The following PCCA variants were observed in gnomAD, a reference collection of about 807,000 sequenced individuals.
PCCA encodes propionyl-CoA carboxylase alpha chain, mitochondrial.
In PCCA, 74 loss-of-function variants were observed where a neutral mutation model predicts 101.3. That is an observed-to-expected ratio of 0.73 (90% CI 0.61 to 0.89). The LOEUF is 0.89. PCCA is among the 40% of genes least tolerant of loss of function. PCCA has a pLI of 0.00. For missense variants in PCCA, 891 were observed against 907.0 expected, an observed-to-expected ratio of 0.98 and a Z score of 0.23; for synonymous variants, 294 against 313.6, an observed-to-expected ratio of 0.94 and a Z score of 0.66.
At chr13:100,492,483 G>C (rs1360853715) in intron 21 of PCCA, among the ~76,000 whole-genome samples, 17 of 151,916 alleles carry the variant, frequency 1.1e-4, no homozygotes, top group African/African-American at 4.1e-4. Flanking sequence ...GCAGAAGGGT[G>C]TTTGCAGCCT....
intron 21 of PCCA, among the ~76,000 whole-genome samples, chr13:100,513,415 G>C (rs540251953): frequency 2.0e-5 from 3 of 152,276 alleles, no homozygotes; most frequent in African/African-American, 7.2e-5. Flanking sequence ...AACAAAGACT[G>C]CATCTAAAGG....
At chr13:100,446,387 C>G (rs2080835329) in intron 20 of PCCA, among the ~76,000 whole-genome samples, 1 of 152,206 alleles carries the variant, frequency 6.6e-6, no homozygotes, top group Admixed American at 6.5e-5. Flanking sequence ...TAATGTCTTC[C>G]TTATTAACCT....
chr13:100,123,155 C>CA (rs2049583687), intron 4 of PCCA, among the ~76,000 whole-genome samples: 1 of 152,334 alleles, frequency 6.6e-6, no homozygotes, highest in Admixed American at 6.5e-5. Flanking sequence ...CTCACAGGTT[C>CA]AAGCATTCTC....
intron 16 of PCCA, among the ~76,000 whole-genome samples, chr13:100,320,683 T>C (rs1477169529): frequency 1.3e-5 from 2 of 152,186 alleles, no homozygotes; most frequent in Non-Finnish European, 2.9e-5. Context: ...GCCCACTTGA[T>C]CATGGTGGAT....
chr13:100,530,223 T>C lies in PCCA; in HGVS notation c.*57T>C. ...TTAATTAGCCATTTGCATGATGCTT[T>C]CACACACAATTGATTCAAGCATTAT... On this transcript the variant is annotated 3_prime_UTR_variant, in exon 24 of 24. Coordinates refer to ENST00000376285, the MANE Select transcript of PCCA (RefSeq NM_000282.4). 7.7e-7 allele frequency: 1 copy of C among 1,299,854 alleles called. No homozygotes were observed. Among genetic ancestry groups the C allele is most frequent in the Non-Finnish European group, 1.1e-6 (1 of 901,630 alleles). 80.5% of individuals were successfully genotyped at this position (1,299,854 alleles called of 1,614,324 possible).
chr13:100,513,909 A>T (rs2086652285), intron 21 of PCCA, among the ~76,000 whole-genome samples: 1 of 152,214 alleles, frequency 6.6e-6, no homozygotes, highest in Non-Finnish European at 1.5e-5. Flanking sequence ...CAGCACAGAT[A>T]GGAAAACTGT....
At position 100,514,172 on chromosome 13, in the gene PCCA, C is replaced by T. The variant is rs1482851545; in HGVS notation, c.1900-1255C>T. On this transcript the variant is annotated intron_variant, in intron 21 of 23. Transcript: ENST00000376285. ...CATATCCTTCAGAAACTGGCAGACG[C>T]TTCTATGTCTTGATTGCAAAACACA... Among the ~76,000 whole-genome samples the T allele has an allele frequency of 3.3e-5, 5 of 152,156 alleles. No individual in the cohort carries two copies. The East Asian group carries it at 9.6e-4, about 29-fold the overall frequency.
intron 21 of PCCA, among the ~76,000 whole-genome samples, chr13:100,510,442 C>A (rs1483986519): frequency 1.3e-5 from 2 of 152,170 alleles, no homozygotes; most frequent in African/African-American, 4.8e-5. Context: ...AAGTGTTTGT[C>A]CTAATTCATA....
intron 21 of PCCA, among the ~76,000 whole-genome samples, chr13:100,513,822 C>T (rs1268100707): frequency 1.3e-5 from 2 of 152,182 alleles, no homozygotes; most frequent in African/African-American, 2.4e-5. Flanking sequence ...CAGCTCAGGG[C>T]GATACCAACT....
intron 21 of PCCA, among the ~76,000 whole-genome samples, chr13:100,509,486 C>T (rs1440681721): frequency 6.6e-6 from 1 of 152,196 alleles, no homozygotes; most frequent in Non-Finnish European, 1.5e-5. Context: ...GCTTTTGAGA[C>T]ACTCGTTTTT....
At chr13:100,523,169 G>C (rs967726011) in intron 22 of PCCA, among the ~76,000 whole-genome samples, 2 of 152,198 alleles carry the variant, frequency 1.3e-5, no homozygotes, top group African/African-American at 4.8e-5. Flanking sequence ...AAGGTTCTCT[G>C]TCTTTTAATC....
At chr13:100,345,781 T>C (rs1339854692) in intron 18 of PCCA, among the ~76,000 whole-genome samples, 1 of 152,154 alleles carries the variant, frequency 6.6e-6, no homozygotes, top group Non-Finnish European at 1.5e-5. Context: ...ACTCTCTTGG[T>C]AGGGGCTAAT....
At chr13:100,232,673 G>T (rs889543072) in intron 7 of PCCA, among the ~76,000 whole-genome samples, 1 of 152,124 alleles carries the variant, frequency 6.6e-6, no homozygotes, top group Admixed American at 6.6e-5. Context: ...GAGCCACTGT[G>T]CTTGGCCTGG....
intron 21 of PCCA, among the ~76,000 whole-genome samples, chr13:100,450,244 T>C (rs574264387): frequency 0.14 from 20,773 of 151,442 alleles, 2,643 homozygotes; most frequent in African/African-American, 0.34. Context: ...TTAGCCGGGT[T>C]GTGGTGGTGG....
intron 7 of PCCA, among the ~76,000 whole-genome samples, chr13:100,224,278 C>A (rs1186659968): frequency 6.6e-6 from 1 of 152,258 alleles, no homozygotes; most frequent in East Asian, 1.9e-4. Flanking sequence ...ACACCCTCTG[C>A]AGCTGCTGGC....
chr13:100,276,315 C>A (rs893858952), intron 12 of PCCA, among the ~76,000 whole-genome samples: 1 of 148,968 alleles, frequency 6.7e-6, no homozygotes, highest in Non-Finnish European at 1.5e-5. Flanking sequence ...TCTGGTGAGA[C>A]TTCCCCACTC....
At chr13:100,520,164 T>G (rs1217717258) in intron 22 of PCCA, among the ~76,000 whole-genome samples, 7 of 152,250 alleles carry the variant, frequency 4.6e-5, no homozygotes, top group Admixed American at 4.6e-4. Flanking sequence ...CAAGCACTCC[T>G]GTGCCCTTTG....
intron 6 of PCCA, among the ~76,000 whole-genome samples, chr13:100,163,042 C>T (rs779244501): frequency 2.6e-5 from 4 of 152,030 alleles, no homozygotes; most frequent in African/African-American, 7.2e-5. Flanking sequence ...ATTTTGAATG[C>T]GATGTGGAAT....
chr13:100,161,727 C>T (rs954591843), intron 6 of PCCA: 1 of 151,870 alleles, frequency 6.6e-6, no homozygotes, highest in Non-Finnish European at 1.5e-5. Flanking sequence ...TTGTTTATAA[C>T]TCTTATTTTC....
Sources: allele counts gnomAD v4.1 joint callset (sites outside exome capture counted in the v4.1 genomes callset), GRCh38; gene constraint gnomAD v4.1.1; transcripts MANE v1.5; gene names NCBI Gene and HGNC (gene_info 2026-07-23, HGNC 2026-07-21).